Variants in DAAM1 observed in about 807,000 individuals in gnomAD.
DAAM1 encodes dishevelled associated activator of morphogenesis 1.
DAAM1 carries 52 observed loss-of-function variants against 130.0 expected under a neutral mutation model. That is an observed-to-expected ratio of 0.40 (90% CI 0.32 to 0.50). The LOEUF (loss-of-function observed/expected upper bound fraction) is 0.50. DAAM1 is among the 20% of genes least tolerant of loss of function. DAAM1 has a pLI of 0.61. For missense variants in DAAM1, 1,134 were observed against 1,303.8 expected (o/e 0.87, Z 2.01); for synonymous variants, 452 against 444.5 (o/e 1.02, Z -0.21).
chr14:59,289,784 A>ATATATATATATATATATATCTATAT, intron 2 of DAAM1, among the ~76,000 whole-genome samples: 1 of 128,714 alleles, frequency 7.8e-6, no homozygotes, highest in Non-Finnish European at 1.7e-5. Flanking sequence ...ATATATATAT[A>ATATATATATATATATATATCTATAT]ATGGAATGCT....
intron 2 of DAAM1, among the ~76,000 whole-genome samples, 175 bp from the exon 3 acceptor site, chr14:59,291,042 G>C (rs148386423): frequency 1.9e-4 from 29 of 152,208 alleles, no homozygotes; most frequent in African/African-American, 6.7e-4. Context: ...CCCTGCCAGG[G>C]ACATGCTTTC....
At chr14:59,327,285 C>G (rs1885239823) in intron 12 of DAAM1, among the ~76,000 whole-genome samples, 1 of 151,814 alleles carries the variant, frequency 6.6e-6, no homozygotes, top group Non-Finnish European at 1.5e-5. Flanking sequence ...ACTAATAATT[C>G]AAACCCTTCC....
chr14:59,341,643 C>T (rs1163889555), intron 16 of DAAM1, among the ~76,000 whole-genome samples: 2 of 152,216 alleles, frequency 1.3e-5, no homozygotes, highest in African/African-American at 4.8e-5. Context: ...ATACTATCCA[C>T]AGTTTCAGGC....
intron 2 of DAAM1, among the ~76,000 whole-genome samples, chr14:59,270,971 AT>A (rs139051553): frequency 0.016 from 2,425 of 152,312 alleles, 39 homozygotes; most frequent in Non-Finnish European, 0.023. Flanking sequence ...CAGCACACAT[AT>A]TTGGAATCCA....
chr14:59,246,719 T>A (rs1881398227), intron 1 of DAAM1, among the ~76,000 whole-genome samples: 2 of 152,208 alleles, frequency 1.3e-5, no homozygotes. Context: ...TGTTATTTTC[T>A]GGTTTTTTGT....
At chr14:59,219,553 G>A (rs1231894537) in intron 1 of DAAM1, among the ~76,000 whole-genome samples, 2 of 152,036 alleles carry the variant, frequency 1.3e-5, no homozygotes, top group African/African-American at 2.4e-5. Context: ...AATTGGTGGT[G>A]CTTTTTTCTT....
chr14:59,262,429 G>GT (rs1296546501), intron 1 of DAAM1, among the ~76,000 whole-genome samples: 1 of 152,118 alleles, frequency 6.6e-6, no homozygotes, highest in Admixed American at 6.5e-5. Flanking sequence ...TTAAAAACAT[G>GT]TTTTTGTGGT....
chr14:59,238,062 C>A (rs939828591), intron 1 of DAAM1, among the ~76,000 whole-genome samples: 2 of 152,036 alleles, frequency 1.3e-5, no homozygotes, highest in Non-Finnish European at 1.5e-5. Flanking sequence ...GTCTTGGATG[C>A]CTTTCCTCTG....
intron 16 of DAAM1, among the ~76,000 whole-genome samples, chr14:59,344,550 G>A (rs554347095): frequency 1.3e-5 from 2 of 152,290 alleles, no homozygotes; most frequent in African/African-American, 2.4e-5. Context: ...ATCCCTGAGG[G>A]CGGGGTACCT....
chr14:59,320,445 T>A, intron 4 of DAAM1, 45 bp from the exon 5 acceptor site: 1 of 1,506,756 alleles, frequency 6.6e-7, no homozygotes, highest in Middle Eastern at 1.7e-4. Context: ...GTACTGTAAT[T>A]AAAAAATAGA....
chr14:59,224,425 T>A (rs1393164515), intron 1 of DAAM1, among the ~76,000 whole-genome samples: 1 of 152,218 alleles, frequency 6.6e-6, no homozygotes, highest in Non-Finnish European at 1.5e-5. Context: ...CAGTATTGCT[T>A]TGGATTTACT....
intron 3 of DAAM1, among the ~76,000 whole-genome samples, chr14:59,292,954 A>C (rs1376845511): frequency 1.3e-5 from 2 of 152,240 alleles, no homozygotes. Context: ...ATACACTGAG[A>C]AGGAATTTTA....
chr14:59,204,449 AT>A (rs1390126871), intron 1 of DAAM1, among the ~76,000 whole-genome samples: 1 of 152,102 alleles, frequency 6.6e-6, no homozygotes, highest in African/African-American at 2.4e-5. Flanking sequence ...CATCTCTCTG[AT>A]TTTTTTCCCT....
intron 2 of DAAM1, among the ~76,000 whole-genome samples, chr14:59,269,206 G>A (rs1017819620): frequency 3.3e-5 from 5 of 152,218 alleles, no homozygotes; most frequent in African/African-American, 1.2e-4. Flanking sequence ...GTGATCAAGT[G>A]CTATGGGAGT....
Position 59,320,558 on chromosome 14 carries a change from G to C in DAAM1, c.414G>C (p.Lys138Asn). The C allele has an allele frequency of 6.3e-7, 1 of 1,598,918 alleles. No individual in the cohort carries two copies. The highest frequency in any genetic ancestry group is 2.2e-5 in the East Asian group (1 of 44,468). Residue 138 changes from lysine to asparagine, a missense_variant, in exon 5 of 25, where the codon AAG becomes AAC. This residue lies in a region of DAAM1 where 391 missense variants were observed against 521.6 expected (regional missense o/e 0.75). Coordinates refer to ENST00000360909, the MANE Select transcript of DAAM1 (RefSeq NM_001270520.2). ...EERSKTIESL[K>N]TALRTKPMRF... ...GAAGTAAAACTATAGAGAGTTTAAA[G>C]ACAGCACTGAGGACAAAACCAATGA... is the stretch of plus-strand genomic sequence containing the variant.
chr14:59,296,604 G>A (rs542984198), intron 3 of DAAM1, among the ~76,000 whole-genome samples: 1 of 152,294 alleles, frequency 6.6e-6, no homozygotes, highest in Admixed American at 6.5e-5. Context: ...AGAGGAAGGA[G>A]AAACCAACCT....
At position 59,260,204 on chromosome 14, in the gene DAAM1, G is replaced by A. The variant is rs374392476; in HGVS notation, c.-37-3237G>A. Among the ~76,000 whole-genome samples the A allele has an allele frequency of 1.5e-4, 23 of 152,280 alleles. 1 individual carries two copies. The highest frequency in any genetic ancestry group is 8.5e-4 in the Admixed American group (13 of 15,286). Reference sequence around the variant, plus strand: ...AACCTAACTTGGATATTTTTGATAGGAACATTTTTGCATACTCATGCTCAT... The same window carrying A: ...AACCTAACTTGGATATTTTTGATAGAAACATTTTTGCATACTCATGCTCAT... On this transcript the variant is annotated intron_variant, in intron 1 of 24. Coordinates refer to ENST00000360909, the MANE Select transcript of DAAM1 (RefSeq NM_001270520.2).
rs567945438 is a variant in DAAM1 at position 59,199,736 on chromosome 14, A to G, written c.-38+10968A>G. On this transcript the variant is annotated intron_variant, in intron 1 of 24. Transcript: ENST00000360909. ...TTGTATTCTAACCCAGGGTTTCCCA[A>G]CATCAGCACTCTTGAAATTTGAAAC... Among the ~76,000 whole-genome samples the G allele has an allele frequency of 2.6e-5, 4 of 152,310 alleles. No homozygotes were observed. In the South Asian group the frequency reaches 8.3e-4, roughly 32 times the overall value.
chr14:59,302,838 G>C (rs900790913), intron 3 of DAAM1, among the ~76,000 whole-genome samples: 3 of 152,092 alleles, frequency 2.0e-5, no homozygotes, highest in Admixed American at 2.0e-4. Flanking sequence ...ATTTTTAGTA[G>C]AGATGGGGTT....
Sources: gnomAD v4.1 joint callset for allele counts (sites outside exome capture counted in the v4.1 genomes callset) on GRCh38, gnomAD v4.1.1 for gene constraint, gnomAD v4.1.1 regional missense constraint, MANE v1.5 for transcripts, NCBI Gene and HGNC (gene_info 2026-07-23, HGNC 2026-07-21) for gene names.